The following ECPAS variants were observed in gnomAD, a reference collection of about 807,000 sequenced individuals.
The protein encoded by ECPAS is proteasome adapter and scaffold protein ECM29.
In ECPAS, 70 loss-of-function variants were observed where a neutral mutation model predicts 255.1. The observed-to-expected ratio is 0.27, with a 90% CI of 0.23 to 0.33. The LOEUF (loss-of-function observed/expected upper bound fraction) is 0.33. ECPAS is among the 10% of genes least tolerant of loss of function. The probability of loss-of-function intolerance (pLI) is 1.00; values close to 1 mark genes in which losing one functional copy is unlikely to be tolerated. For synonymous variants in ECPAS, 784 were observed against 775.0 expected, an observed-to-expected ratio of 1.01 and a Z score of -0.19; for missense variants, 1,817 against 2,206.4, an observed-to-expected ratio of 0.82 and a Z score of 3.54.
chr9:111,410,101 G>A lies in ECPAS; in HGVS notation c.2490C>T (p.Thr830=). Residue 830 remains threonine, a synonymous_variant, in exon 23 of 50, where the codon ACC becomes ACT. Coordinates refer to ENST00000684092, the MANE Select transcript of ECPAS (RefSeq NM_001364929.1). ...LPIPSEGSGF[T]KLHLVESLLS... Reference sequence around the variant, plus strand: ...GTAAGCTTTCTACAAGATGCAATTTGGTAAAGCCAGATCCCTCACTGGGGA... The same window carrying A: ...GTAAGCTTTCTACAAGATGCAATTTAGTAAAGCCAGATCCCTCACTGGGGA... 2 of 1,600,366 alleles carry A rather than the reference G, an allele frequency of 1.2e-6. No homozygotes were observed. Among genetic ancestry groups the A allele is most frequent in the Non-Finnish European group, 1.7e-6 (2 of 1,173,114 alleles).
In ECPAS at chr9:111,383,251, T is replaced by C. The variant is rs779908821; in HGVS notation, c.3763A>G (p.Lys1255Glu). 2 of 1,613,714 alleles carry C rather than the reference T, an allele frequency of 1.2e-6. No homozygotes were observed. Among genetic ancestry groups the C allele is most frequent in the African/African-American group, 2.7e-5 (2 of 74,934 alleles). ...IAALLPCLLD[K>E]GMMSTVTEVR... ...TCCGTCACGGTGCTCATCATTCCTT[T>C]GTCCAGAAGGCAAGGCAGAAGGGCA... is the stretch of plus-strand genomic sequence containing the variant. The change falls in exon 35 of 50, where the codon AAA (lysine) becomes GAA (glutamate). Residue 1255 changes from lysine (K) to glutamate (E), a missense_variant. Lys to Glu is a moderately conservative substitution (Grantham distance 56). Coordinates refer to ENST00000684092, the MANE Select transcript of ECPAS (RefSeq NM_001364929.1).
At chr9:111,473,570 C>T (rs546404936) in intron 1 of ECPAS, among the ~76,000 whole-genome samples, 5 of 152,294 alleles carry the variant, frequency 3.3e-5, no homozygotes, top group Admixed American at 2.6e-4. Context: ...ATTCCCACAG[C>T]TCTACCATGG....
intron 46 of ECPAS, among the ~76,000 whole-genome samples, chr9:111,368,190 C>A (rs1255021213): frequency 6.6e-6 from 1 of 152,128 alleles, no homozygotes; most frequent in African/African-American, 2.4e-5. Flanking sequence ...AAGGTTAAGG[C>A]CCTGTCAGGG....
Position 111,366,113 on chromosome 9 carries a change from T to G in ECPAS, c.5308+126A>C, listed in dbSNP as rs2098120078. 6.4e-6 allele frequency: 4 copies of G among 626,328 alleles called. No individual in the cohort carries two copies. In the Admixed American group the frequency reaches 1.2e-4, roughly 18 times the overall value. 38.8% of individuals were successfully genotyped at this position (626,328 alleles called of 1,614,324 possible). ...GTTAAGGGGTACACATGGAGTATAA[T>G]AAGTAGCAGAGTCCAGTAGCTATTT... On this transcript the variant is annotated intron_variant, in intron 48 of 49. Transcript: ENST00000684092.
chr9:111,440,481 A>AT lies in ECPAS; in HGVS notation c.429dup (p.Tyr144IlefsTer4). On this transcript the variant is annotated frameshift_variant, in exon 6 of 50. Coordinates refer to ENST00000684092, the MANE Select transcript of ECPAS (RefSeq NM_001364929.1). LOFTEE classifies it high-confidence loss of function. ...GCTGATTTTGATGATTCAACAGGGT[A>AT]TTTCATGTGAAAAAGGGTTGGTATT... 1 of 1,611,672 alleles carries AT rather than the reference A, an allele frequency of 6.2e-7. No homozygotes were observed. Among genetic ancestry groups the AT allele is most frequent in the Non-Finnish European group, 8.5e-7 (1 of 1,178,402 alleles).
chr9:111,383,417 A>T (rs772674808), intron 34 of ECPAS, 85 bp from the exon 35 acceptor site: 63 of 1,465,822 alleles, frequency 4.3e-5, no homozygotes, highest in Non-Finnish European at 5.6e-5. Flanking sequence ...TCTACTTCAC[A>T]TATCTACAGG....
At chr9:111,394,073 G>A (rs2098164155) in intron 26 of ECPAS, 87 bp downstream of exon 26, 4 of 1,266,346 alleles carry the variant, frequency 3.2e-6, no homozygotes, top group Non-Finnish European at 4.3e-6. Context: ...CCTACTATTG[G>A]TTAATGACCT....
chr9:111,436,983 C>T lies in ECPAS; in HGVS notation c.665G>A (p.Arg222Gln). 2 of 1,612,756 alleles carry T rather than the reference C, an allele frequency of 1.2e-6. No homozygotes were observed. The highest frequency in any genetic ancestry group is 2.2e-5 in the East Asian group (1 of 44,784). ...TGTCCATGGGTTATCACCAATAACTCGTTTGGCTGCATAAAAGCTCATTCC... is the reference window on the plus strand; with the variant it reads ...TGTCCATGGGTTATCACCAATAACTTGTTTGGCTGCATAAAAGCTCATTCC... ...PPGMSFYAAK[R>Q]VIGDNPWTPE... Residue 222 changes from arginine to glutamine, a missense_variant, in exon 7 of 50, where the codon CGA (arginine) becomes CAA (glutamine). Physicochemically the swap from Arg to Gln is conservative, Grantham distance 43 (BLOSUM62 1). Around this residue, in one of 4 missense-constraint regions of ECPAS, gnomAD observed 573 missense variants for 716.2 expected, o/e 0.80. Coordinates refer to ENST00000684092, the MANE Select transcript of ECPAS (RefSeq NM_001364929.1).
intron 43 of ECPAS, 112 bp from the exon 44 acceptor site, chr9:111,370,877 TTAAC>T (rs2098126518): frequency 1.0e-6 from 1 of 952,542 alleles, no homozygotes; most frequent in Non-Finnish European, 1.6e-6. Flanking sequence ...ACAACAAAAA[TTAAC>T]AACAGTCACC....
chr9:111,416,287 T>C lies in ECPAS; in HGVS notation c.1749A>G (p.Pro583=). The change falls in exon 18 of 50, where the codon CCA becomes CCG. Residue 583 remains proline (P), a synonymous_variant. Coordinates refer to ENST00000684092, the MANE Select transcript of ECPAS (RefSeq NM_001364929.1). ...AAAGTTCTACCTCTCCAAAGGCTGC[T>C]GGGTTAAATGGAAGGACAGTGGTCC... The part of the protein sequence containing the change: ...MTGTTVLPFN[P]AAFGEIVLYL... 1.2e-6 allele frequency: 2 copies of C among 1,613,102 alleles called. No individual in the cohort carries two copies. Among genetic ancestry groups the C allele is most frequent in the Non-Finnish European group, 1.7e-6 (2 of 1,179,116 alleles).
chr9:111,459,752 T>C (rs920403123), intron 2 of ECPAS, among the ~76,000 whole-genome samples: 9 of 152,196 alleles, frequency 5.9e-5, no homozygotes, highest in African/African-American at 1.9e-4. Context: ...CTCACAATTA[T>C]AAATTCTGCT....
intron 1 of ECPAS, among the ~76,000 whole-genome samples, chr9:111,479,573 A>T (rs2098301031): frequency 6.6e-6 from 1 of 152,186 alleles, no homozygotes. Context: ...AGCCTGGGCG[A>T]CAGAGCAAGA....
At chr9:111,481,563 G>C (rs146711583) in intron 1 of ECPAS, among the ~76,000 whole-genome samples, 1 of 151,910 alleles carries the variant, frequency 6.6e-6, no homozygotes, top group Non-Finnish European at 1.5e-5. Context: ...TTTAAAACTA[G>C]AACTATCACA....
At chr9:111,430,692 A>C (rs7873716) in intron 8 of ECPAS, 64 bp from the exon 9 acceptor site, 2 of 986,306 alleles carry the variant, frequency 2.0e-6, no homozygotes, top group African/African-American at 3.3e-5. Flanking sequence ...GATTTCAAAA[A>C]AATTATAGCC....
At position 111,481,927 on chromosome 9, in the gene ECPAS, G is replaced by A. The variant is rs2098306020; in HGVS notation, c.-83+2189C>T. Among the ~76,000 whole-genome samples the A allele has an allele frequency of 2.0e-5, 3 of 152,192 alleles. No individual in the cohort carries two copies. The South Asian group carries it at 6.2e-4, about 31-fold the overall frequency. On this transcript the variant is annotated intron_variant, in intron 1 of 49. Coordinates refer to ENST00000684092, the MANE Select transcript of ECPAS (RefSeq NM_001364929.1). ...AGGGACAGAAAGTACAATGATGGTC[G>A]CCAGGGGCCGAAGGGAGGAGGGAAT... is the stretch of plus-strand genomic sequence containing the variant.
At chr9:111,460,098 C>A (rs893851669) in intron 2 of ECPAS, among the ~76,000 whole-genome samples, 2 of 151,960 alleles carry the variant, frequency 1.3e-5, no homozygotes, top group African/African-American at 2.4e-5. Flanking sequence ...TCAAATCCAG[C>A]GATACATAAA....
intron 24 of ECPAS, among the ~76,000 whole-genome samples, chr9:111,402,943 G>A (rs1163221391): frequency 6.6e-6 from 1 of 152,148 alleles, no homozygotes; most frequent in East Asian, 1.9e-4. Context: ...ACTGGCAGTA[G>A]TTAAGTCTTT....
intron 7 of ECPAS, among the ~76,000 whole-genome samples, chr9:111,436,306 G>C (rs1297619790): frequency 6.6e-6 from 1 of 152,282 alleles, no homozygotes; most frequent in African/African-American, 2.4e-5. Context: ...GATCTCATCT[G>C]TTCTTCCCTG....
chr9:111,438,492 C>T (rs2098241303), intron 6 of ECPAS, among the ~76,000 whole-genome samples: 1 of 152,122 alleles, frequency 6.6e-6, no homozygotes, highest in African/African-American at 2.4e-5. Context: ...CCTGTAGTCC[C>T]AGCTACTCAG....
Sources: gnomAD v4.1 joint callset for allele counts (sites outside exome capture counted in the v4.1 genomes callset) on GRCh38, gnomAD v4.1.1 for gene constraint, gnomAD v4.1.1 regional missense constraint, MANE v1.5 for transcripts, NCBI Gene and HGNC (gene_info 2026-07-23, HGNC 2026-07-21) for gene names.